Variants in SYNE2 observed in about 807,000 individuals in gnomAD.
SYNE2 encodes the protein spectrin repeat containing nuclear envelope protein 2, also known as nesprin-2.
SYNE2 carries 431 observed loss-of-function variants against 856.3 expected under a neutral mutation model. The ratio of observed to expected loss-of-function variants is 0.50; its 90% CI spans 0.47 to 0.55. SYNE2 has a LOEUF of 0.55. Ranked by LOEUF, SYNE2 falls within the 20% of genes least tolerant of loss-of-function variation. SYNE2 has a pLI of 0.00. For missense variants in SYNE2, 8,129 were observed against 8,023.2 expected, an observed-to-expected ratio of 1.01 and a Z score of -0.50; for synonymous variants, 2,923 against 2,872.3, an observed-to-expected ratio of 1.02 and a Z score of -0.56.
intron 113 of SYNE2, among the ~76,000 whole-genome samples, chr14:64,224,181 C>CAGAAAAAAAAA (rs556126119): frequency 4.0e-5 from 3 of 74,748 alleles, no homozygotes; most frequent in African/African-American, 1.6e-4. Context: ...CCCGTCTCTG[C>CAGAAAAAAAAA]AAAAAAAAAA....
At position 64,125,770 on chromosome 14, in the gene SYNE2, A is replaced by C. The variant is rs899073123; in HGVS notation, c.13555-557A>C. On this transcript the variant is annotated intron_variant, in intron 71 of 115. Transcript: ENST00000555002. ...AGACTCACCAGGCGCAATGCATGAC[A>C]CTGGGGACGTGCTTGGAGTCATACA... is the stretch of plus-strand genomic sequence containing the variant. Among the ~76,000 whole-genome samples the C allele has an allele frequency of 4.6e-5, 7 of 152,296 alleles. No individual in the cohort carries two copies. The East Asian group carries it at 1.3e-3, about 29-fold the overall frequency.
chr14:64,169,276 T>G (rs918951329), intron 93 of SYNE2, among the ~76,000 whole-genome samples: 3 of 152,378 alleles, frequency 2.0e-5, no homozygotes, highest in African/African-American at 7.2e-5. Flanking sequence ...ATGATTCTTC[T>G]GTACTGTTTC....
chr14:63,999,048 C>A lies in SYNE2; in HGVS notation c.3480+8C>A. On this transcript the variant is annotated splice_region_variant and intron_variant, in intron 27 of 115. Transcript: ENST00000555002. ...AAACTGACAGATCTACAGGTAATTACCAAAAATATTATTTCTCTGATTATC... is the reference window on the plus strand; with the variant it reads ...AAACTGACAGATCTACAGGTAATTAACAAAAATATTATTTCTCTGATTATC... 1 of 1,612,150 alleles carries A rather than the reference C, an allele frequency of 6.2e-7. No homozygotes were observed. The highest frequency in any genetic ancestry group is 8.5e-7 in the Non-Finnish European group (1 of 1,178,440).
At chr14:64,163,686 C>T (rs1464033150) in intron 89 of SYNE2, 105 bp downstream of exon 89, 1 of 1,335,646 alleles carries the variant, frequency 7.5e-7, no homozygotes, top group Non-Finnish European at 1.0e-6. Flanking sequence ...TGCTCCTTAG[C>T]AAAATTACAG....
chr14:63,951,445 G>T (rs1009618742), intron 7 of SYNE2, among the ~76,000 whole-genome samples: 28 of 152,146 alleles, frequency 1.8e-4, no homozygotes, highest in African/African-American at 5.6e-4. Flanking sequence ...TGGCATTACA[G>T]CTGTGCACCA....
chr14:63,772,777 A>G (rs1886965487), intron 1 of SYNE2, among the ~76,000 whole-genome samples: 1 of 151,804 alleles, frequency 6.6e-6, no homozygotes, highest in South Asian at 2.1e-4. Flanking sequence ...AATCTAAGCT[A>G]CATTACTTTT....
chr14:64,196,365 T>G (rs2781379), intron 99 of SYNE2, among the ~76,000 whole-genome samples: 34 of 152,116 alleles, frequency 2.2e-4, no homozygotes, highest in African/African-American at 7.9e-4. Flanking sequence ...TAAGGAGGAA[T>G]TTTCAGACAC....
intron 1 of SYNE2, among the ~76,000 whole-genome samples, chr14:63,838,789 G>A (rs1889947467): frequency 6.6e-6 from 1 of 152,060 alleles, no homozygotes; most frequent in African/African-American, 2.4e-5. Flanking sequence ...GATTACAGGT[G>A]TGAGCCACCA....
At chr14:64,082,418 CTCAAGCATT>C (rs58983983) in intron 57 of SYNE2, among the ~76,000 whole-genome samples, 15,964 of 151,202 alleles carry the variant, frequency 0.11, 985 homozygotes, top group African/African-American at 0.18. Flanking sequence ...TGCTTCTGGT[CTCAAGCATT>C]TCAGATAAGG....
At chr14:63,887,672 T>C (rs1225038716) in intron 1 of SYNE2, among the ~76,000 whole-genome samples, 1 of 152,062 alleles carries the variant, frequency 6.6e-6, no homozygotes. Flanking sequence ...TTCCCCCCCA[T>C]TCCTAGTATT....
intron 94 of SYNE2, among the ~76,000 whole-genome samples, chr14:64,174,235 C>A (rs891927605): frequency 7.9e-5 from 12 of 152,060 alleles, no homozygotes; most frequent in Non-Finnish European, 2.9e-5. Flanking sequence ...CCATGCCTGG[C>A]TAATTTTTGT....
In SYNE2 at chr14:64,133,262, A is replaced by AT. The variant is rs902571324; in HGVS notation, c.14515-799dup. ...TAACTTGATAGTGTAATATGGTGTT[A>AT]TTTTTTTTGCTAACAAAATTTATTT... On this transcript the variant is annotated intron_variant, in intron 77 of 115. Coordinates refer to ENST00000555002, the MANE Select transcript of SYNE2 (RefSeq NM_182914.3). 7.3e-5 allele frequency among the ~76,000 whole-genome samples: 11 copies of AT among 151,566 alleles called. 1 individual carries two copies. Among genetic ancestry groups the AT allele is most frequent in the Middle Eastern group, 3.2e-3 (1 of 316 alleles).
chr14:64,221,675 G>A lies in SYNE2; in HGVS notation c.20161G>A (p.Ala6721Thr), dbSNP rs140897155. Residue 6721 changes from alanine (A) to threonine (T), a missense_variant, in exon 112 of 116, where the codon GCT (alanine) becomes ACT (threonine). Physicochemically the swap from Ala to Thr is moderately conservative, Grantham distance 58. Around this residue, in one of 3 missense-constraint regions of SYNE2, gnomAD observed 5,410 missense variants for 5,284.8 expected, o/e 1.02. Coordinates refer to ENST00000555002, the MANE Select transcript of SYNE2 (RefSeq NM_182914.3). ...CACCGATCCAAAGGCAGACCCCCGG[G>A]CTCTCCTAGAGTGTCGGAGGGAACT... ...HVTDPKADPR[A>T]LLECRRELMQ... The A allele has an allele frequency of 1.7e-3, 2,758 of 1,614,036 alleles. 4 individuals carry two copies. The highest frequency in any genetic ancestry group is 2.2e-3 in the Non-Finnish European group (2,579 of 1,180,040).
intron 1 of SYNE2, among the ~76,000 whole-genome samples, chr14:63,844,745 T>C (rs1890176542): frequency 6.6e-6 from 1 of 152,188 alleles, no homozygotes. Flanking sequence ...GAAGTTTTTC[T>C]TATTTTAAAA....
intron 1 of SYNE2, among the ~76,000 whole-genome samples, chr14:63,888,116 A>G (rs1246998206): frequency 1.3e-5 from 2 of 152,094 alleles, no homozygotes; most frequent in Non-Finnish European, 2.9e-5. Flanking sequence ...TGTAGTGTCT[A>G]GCTCCACCCT....
Position 64,001,960 on chromosome 14 carries a change from G to A in SYNE2, c.3665G>A (p.Arg1222Gln), listed in dbSNP as rs370747910. 5.3e-5 allele frequency: 85 copies of A among 1,613,914 alleles called. No homozygotes were observed. The highest frequency in any genetic ancestry group is 3.5e-4 in the South Asian group (32 of 91,064). ...ATGGAATCTTTAGAGACAGCACTGC[G>A]GCTTGTGTTACCTGTAGAGAAGGCA... is the stretch of plus-strand genomic sequence containing the variant. ...TRMESLETALRLVLPVEKASL... is the reference protein window; with the variant it reads ...TRMESLETALQLVLPVEKASL... The change falls in exon 29 of 116, where the codon CGG (arginine) becomes CAG (glutamine). Residue 1222 changes from arginine to glutamine, a missense_variant. Transcript: ENST00000555002.
rs1170371071 is a variant in SYNE2 at position 64,188,645 on chromosome 14, G to A, written c.17808G>A (p.Met5936Ile). The A allele has an allele frequency of 1.9e-6, 3 of 1,614,026 alleles. No homozygotes were observed. Among genetic ancestry groups the A allele is most frequent in the Non-Finnish European group, 2.5e-6 (3 of 1,180,028 alleles). ...AGTTGTGTGCCTGGCTGGTGCAGATGGAAAACAAAGTTCTACAGACAGCGG... is the reference window on the plus strand; with the variant it reads ...AGTTGTGTGCCTGGCTGGTGCAGATAGAAAACAAAGTTCTACAGACAGCGG... ...NKELCAWLVQMENKVLQTADI... is the reference protein window; with the variant it reads ...NKELCAWLVQIENKVLQTADI... The change falls in exon 98 of 116, where the codon ATG (methionine) becomes ATA (isoleucine). Residue 5936 changes from methionine to isoleucine, a missense_variant. Coordinates refer to ENST00000555002, the MANE Select transcript of SYNE2 (RefSeq NM_182914.3).
At chr14:63,948,170 C>G (rs1167682500) in intron 6 of SYNE2, among the ~76,000 whole-genome samples, 1 of 44,306 alleles carries the variant, frequency 2.3e-5, no homozygotes, top group Non-Finnish European at 7.4e-5. Context: ...CACACATACA[C>G]ACACACACAC....
intron 50 of SYNE2, 127 bp downstream of exon 50, chr14:64,063,022 G>C: frequency 9.0e-7 from 1 of 1,105,434 alleles, no homozygotes. Flanking sequence ...AAATATCCAT[G>C]AATATTCCTC....
Sources: allele counts gnomAD v4.1 joint callset (sites outside exome capture counted in the v4.1 genomes callset), GRCh38; gene constraint gnomAD v4.1.1; regional missense constraint gnomAD v4.1.1; transcripts MANE v1.5; gene names NCBI Gene and HGNC (gene_info 2026-07-23, HGNC 2026-07-21).